The following PAIP1 variants were observed in gnomAD, a reference collection of about 807,000 sequenced individuals.
The protein encoded by PAIP1 is polyadenylate-binding protein-interacting protein 1.
Under a neutral mutation model 61.3 loss-of-function variants are expected in PAIP1, and 16 were observed. The ratio of observed to expected loss-of-function variants is 0.26; its 90% confidence interval spans 0.18 to 0.40. The LOEUF is 0.40. PAIP1 is among the 10% of genes least tolerant of loss of function. The pLI is 1.00. For missense variants in PAIP1, 416 were observed against 600.9 expected (o/e 0.69, Z 3.22); for synonymous variants, 187 against 226.2 (o/e 0.83, Z 1.56).
chr5:43,546,096 TTCC>T (rs778780874), intron 3 of PAIP1, among the ~76,000 whole-genome samples: 9 of 152,176 alleles, frequency 5.9e-5, no homozygotes, highest in Admixed American at 2.6e-4. Context: ...TTTGTAATAC[TTCC>T]TCGTTTGTTA....
rs368538352 is a variant in PAIP1, at chr5:43,556,798, G to A, written c.49C>T (p.Arg17Trp). 52 of 1,452,862 alleles carry A rather than the reference G, an allele frequency of 3.6e-5. No individual in the cohort carries two copies. In the East Asian group the frequency reaches 1.4e-3, roughly 38 times the overall value. The allele number at this position is 1,452,862 out of a possible 1,614,324, so 90.0% of individuals were successfully genotyped here. ...RAPGAGRGRS[R>W]GLGRGGGGPE... ...CCGCCCCCTCCGCGGCCCAGGCCCC[G>A]GCTCCGGCCCCGACCAGCACCTGGG... The change falls in exon 1 of 11, where the codon CGG becomes TGG. Residue 17 changes from arginine (R) to tryptophan (W), a missense_variant. Physicochemically the swap from Arg to Trp is moderately radical, Grantham distance 101. This residue lies in a region of PAIP1 where 97 missense variants were observed against 89.5 expected (regional missense o/e 1.08). Coordinates refer to ENST00000306846, the MANE Select transcript of PAIP1 (RefSeq NM_006451.5).
rs1290357917 is a variant in PAIP1, at chr5:43,557,007, G to A, written c.-161C>T. 2 of 1,199,848 alleles carry A rather than the reference G, an allele frequency of 1.7e-6. No homozygotes were observed. The highest frequency in any genetic ancestry group is 6.5e-5 in the East Asian group (2 of 30,746). The allele number at this position is 1,199,848 out of a possible 1,614,324, so 74.3% of individuals were successfully genotyped here. On this transcript the variant is annotated 5_prime_UTR_variant, in exon 1 of 11. Transcript: ENST00000306846. ...CCGGCTCGGCTGCTCGGTGCTTCTGGCGGAGCGGACGGCAGCCCGAGCACC... is the reference window on the plus strand; with the variant it reads ...CCGGCTCGGCTGCTCGGTGCTTCTGACGGAGCGGACGGCAGCCCGAGCACC...
At chr5:43,532,047 G>T (rs1746963401) in intron 9 of PAIP1, among the ~76,000 whole-genome samples, 1 of 152,272 alleles carries the variant, frequency 6.6e-6, no homozygotes, top group South Asian at 2.1e-4. Context: ...TTACTTTCAT[G>T]AAGTATAGCA....
chr5:43,552,631 T>C (rs1330906937), intron 2 of PAIP1, among the ~76,000 whole-genome samples: 3 of 152,036 alleles, frequency 2.0e-5, no homozygotes, highest in Admixed American at 6.6e-5. Flanking sequence ...TGCTACAGAA[T>C]AAATTCATAG....
At chr5:43,539,262 C>T (rs1228836325) in intron 4 of PAIP1, among the ~76,000 whole-genome samples, 3 of 42,870 alleles carry the variant, frequency 7.0e-5, no homozygotes, top group South Asian at 1.2e-3. Flanking sequence ...TTATTTTCAA[C>T]GATTTTTATC....
rs1218497893 is a variant in PAIP1 at position 43,526,806 on chromosome 5, G to GT, written c.*569dup. ...TTTAGCTGGGAGTTCACCAAGTTGGGTTTTTCCCCCCCATGACATTTAAAA... is the reference window on the plus strand; with the variant it reads ...TTTAGCTGGGAGTTCACCAAGTTGGGTTTTTTCCCCCCCATGACATTTAAAA... On this transcript the variant is annotated 3_prime_UTR_variant, in exon 11 of 11. Transcript: ENST00000306846. The GT allele has an allele frequency of 6.6e-6, 1 of 152,068 alleles. No individual in the cohort carries two copies. Among genetic ancestry groups the GT allele is most frequent in the African/African-American group, 2.4e-5 (1 of 41,424 alleles). 9.4% of individuals were successfully genotyped at this position (152,068 alleles called of 1,614,324 possible). A position where few individuals can be genotyped will look rare whatever the true frequency, so the allele number is the denominator to read the frequency against.
chr5:43,532,061 TA>T (rs1461892383), intron 9 of PAIP1, among the ~76,000 whole-genome samples: 1 of 152,134 alleles, frequency 6.6e-6, no homozygotes, highest in South Asian at 2.1e-4. Flanking sequence ...TATAGCAGAT[TA>T]AAAAACGTTT....
At chr5:43,547,593 T>C (rs938349062) in intron 3 of PAIP1, 135 bp downstream of exon 3, 2 of 620,018 alleles carry the variant, frequency 3.2e-6, no homozygotes, top group Non-Finnish European at 5.7e-6. Context: ...AAGACAGACT[T>C]AGAACTCCCG....
chr5:43,530,132 G>C (rs1418919273), intron 9 of PAIP1, among the ~76,000 whole-genome samples: 1 of 152,124 alleles, frequency 6.6e-6, no homozygotes, highest in Admixed American at 6.6e-5. Flanking sequence ...TATAACTGTT[G>C]GGGAAGAACA....
intron 1 of PAIP1, 195 bp from the exon 2 acceptor site, chr5:43,556,194 T>G (rs1309202351): frequency 7.4e-6 from 10 of 1,350,368 alleles, no homozygotes; most frequent in Non-Finnish European, 9.5e-6. Context: ...GACTCCGTTA[T>G]GGGCATACCT....
chr5:43,533,186 G>A (rs1747011679), intron 9 of PAIP1, among the ~76,000 whole-genome samples: 1 of 152,258 alleles, frequency 6.6e-6, no homozygotes, highest in Middle Eastern at 3.4e-3. Context: ...GTTGCAGTTT[G>A]TACCAAAGGG....
At chr5:43,532,388 C>G (rs952143592) in intron 9 of PAIP1, among the ~76,000 whole-genome samples, 1 of 151,972 alleles carries the variant, frequency 6.6e-6, no homozygotes, top group Non-Finnish European at 1.5e-5. Flanking sequence ...AGAAGAGTTA[C>G]ATAGTATACA....
Position 43,555,945 on chromosome 5 carries a change from T to G in PAIP1, c.320A>C (p.Gln107Pro), listed in dbSNP as rs1246902869. The part of the protein sequence containing the change: ...PPSSQDKIPQ[Q>P]NSESAMAKPQ... The stretch of plus-strand genomic sequence containing the variant: ...CTTAGCCATTGCTGACTCCGAGTTC[T>G]GCTGTGGGATTTTATCCTGTGAACT... The change falls in exon 2 of 11, where the codon CAG (glutamine) becomes CCG (proline). Residue 107 changes from glutamine to proline, a missense_variant. Gln to Pro is a moderately conservative substitution (Grantham distance 76). This residue lies in a region of PAIP1 where 180 missense variants were observed against 211.2 expected (regional missense o/e 0.85). Coordinates refer to ENST00000306846, the MANE Select transcript of PAIP1 (RefSeq NM_006451.5). The G allele has an allele frequency of 6.2e-7, 1 of 1,614,106 alleles. No homozygotes were observed. Among genetic ancestry groups the G allele is most frequent in the Non-Finnish European group, 8.5e-7 (1 of 1,179,978 alleles).
intron 3 of PAIP1, among the ~76,000 whole-genome samples, chr5:43,544,813 ACTTAGGTACCCTCCCTGAGGTGTCT>A (rs1747567978): frequency 6.6e-6 from 1 of 152,162 alleles, no homozygotes; most frequent in African/African-American, 2.4e-5. Context: ...GCTGTAATAT[ACTTAGGTACCCTCCCTGAGGTGTCT>A]CATTATATAC....
At chr5:43,536,169 C>T (rs1561230201) in intron 6 of PAIP1, among the ~76,000 whole-genome samples, 2 of 152,106 alleles carry the variant, frequency 1.3e-5, no homozygotes, top group African/African-American at 2.4e-5. Flanking sequence ...AAGAGATGTA[C>T]TCATTCTGCT....
chr5:43,530,045 A>G (rs1579904392), intron 9 of PAIP1, among the ~76,000 whole-genome samples, 166 bp from the exon 10 acceptor site: 1 of 152,224 alleles, frequency 6.6e-6, no homozygotes, highest in Non-Finnish European at 1.5e-5. Context: ...AATCAAAGCC[A>G]CTGTAGGTGA....
intron 5 of PAIP1, 73 bp from the exon 6 acceptor site, chr5:43,537,017 G>C (rs1174759282): frequency 7.4e-6 from 8 of 1,074,718 alleles, no homozygotes; most frequent in Non-Finnish European, 1.0e-5. Flanking sequence ...GAACTAACAA[G>C]GTGTTGGCAA....
chr5:43,529,160 CTAT>C (rs1746834253), intron 10 of PAIP1, among the ~76,000 whole-genome samples: 1 of 147,692 alleles, frequency 6.8e-6, no homozygotes, highest in Non-Finnish European at 1.5e-5. Context: ...ACAGGTACTA[CTAT>C]TCTTATTTTA....
At chr5:43,546,946 C>T (rs1302372925) in intron 3 of PAIP1, among the ~76,000 whole-genome samples, 2 of 142,884 alleles carry the variant, frequency 1.4e-5, no homozygotes, top group East Asian at 2.1e-4. Context: ...GGGAGACTGA[C>T]GCAGGAGAAT....
Sources: gnomAD v4.1 joint callset for allele counts (sites outside exome capture counted in the v4.1 genomes callset) on GRCh38, gnomAD v4.1.1 for gene constraint, gnomAD v4.1.1 regional missense constraint, MANE v1.5 for transcripts, NCBI Gene and HGNC (gene_info 2026-07-23, HGNC 2026-07-21) for gene names.